STX8: variants seen among roughly 807,000 people sequenced by gnomAD.
STX8 encodes the protein syntaxin-8.
STX8 carries 23 observed loss-of-function variants against 37.5 expected under a neutral mutation model. The observed-to-expected ratio is 0.61, with a 90% CI of 0.44 to 0.87. The LOEUF is 0.87. STX8 is among the 40% of genes least tolerant of loss of function. The probability of loss-of-function intolerance (pLI) is 0.00; values close to 1 mark genes in which losing one functional copy is unlikely to be tolerated. For synonymous variants in STX8, 115 were observed against 99.1 expected, an observed-to-expected ratio of 1.16 and a Z score of -0.95; for missense variants, 313 against 284.7, an observed-to-expected ratio of 1.10 and a Z score of -0.71.
chr17:9,522,162 T>C (rs1421058361), intron 4 of STX8, among the ~76,000 whole-genome samples: 1 of 151,938 alleles, frequency 6.6e-6, no homozygotes, highest in African/African-American at 2.4e-5. Flanking sequence ...TTGCAAATCA[T>C]GGTACCTTAA....
intron 7 of STX8, among the ~76,000 whole-genome samples, chr17:9,255,243 T>C (rs1173625172): frequency 1.3e-5 from 2 of 151,864 alleles, no homozygotes; most frequent in Non-Finnish European, 2.9e-5. Context: ...AAAATGAAAA[T>C]GGGCCAGGCG....
chr17:9,342,898 G>A (rs994222123), intron 7 of STX8, among the ~76,000 whole-genome samples: 4 of 151,956 alleles, frequency 2.6e-5, no homozygotes, highest in African/African-American at 9.7e-5. Flanking sequence ...GTACGTGCCT[G>A]TAGTCCCAGC....
At chr17:9,260,850 AG>A (rs759248640) in intron 7 of STX8, among the ~76,000 whole-genome samples, 13 of 152,218 alleles carry the variant, frequency 8.5e-5, no homozygotes, top group Non-Finnish European at 1.8e-4. Flanking sequence ...GCTGGTGCCC[AG>A]CACCGGGCTG....
chr17:9,368,377 G>A (rs1266607171), intron 7 of STX8, among the ~76,000 whole-genome samples: 3 of 152,108 alleles, frequency 2.0e-5, no homozygotes, highest in Non-Finnish European at 2.9e-5. Context: ...GGTGGGGGGT[G>A]CCTGCAGTCC....
At chr17:9,324,835 T>C (rs996383129) in intron 7 of STX8, among the ~76,000 whole-genome samples, 1 of 151,818 alleles carries the variant, frequency 6.6e-6, no homozygotes, top group Admixed American at 6.6e-5. Context: ...TTGGCCTCAG[T>C]TGCTCTGACT....
rs146088475 is a variant in STX8 at position 9,393,100 on chromosome 17, C to T, written c.542-14447G>A. Among the ~76,000 whole-genome samples the T allele has an allele frequency of 4.0e-3, 607 of 152,208 alleles. 2 individuals carry two copies. Among genetic ancestry groups the T allele is most frequent in the Non-Finnish European group, 6.1e-3 (418 of 67,994 alleles). On this transcript the variant is annotated intron_variant, in intron 6 of 7. Transcript: ENST00000306357. ...AAAGACAAAGAAAAAAATAATTGAA[C>T]ACAACCAAAGAAAAACAACACATTG...
At chr17:9,490,192 T>G (rs755717374) in intron 6 of STX8, among the ~76,000 whole-genome samples, 1 of 152,196 alleles carries the variant, frequency 6.6e-6, no homozygotes, top group African/African-American at 2.4e-5. Context: ...TTATGATAGA[T>G]GATAAACAGA....
At chr17:9,336,187 C>T (rs145677381) in intron 7 of STX8, among the ~76,000 whole-genome samples, 42 of 152,282 alleles carry the variant, frequency 2.8e-4, no homozygotes, top group African/African-American at 9.1e-4. Flanking sequence ...GAGGATTCAA[C>T]ACCTTGTAGA....
At chr17:9,431,265 A>G (rs1397566606) in intron 6 of STX8, among the ~76,000 whole-genome samples, 1 of 84,932 alleles carries the variant, frequency 1.2e-5, no homozygotes, top group Non-Finnish European at 2.5e-5. Flanking sequence ...GAGATGGGGT[A>G]TCACCATGTT....
chr17:9,489,100 C>T (rs1567583302), intron 6 of STX8, among the ~76,000 whole-genome samples: 1 of 152,140 alleles, frequency 6.6e-6, no homozygotes, highest in Non-Finnish European at 1.5e-5. Context: ...TGGTCTCGAA[C>T]TCCTGACCTC....
At chr17:9,542,004 ATTTT>A (rs35489488) in intron 4 of STX8, among the ~76,000 whole-genome samples, 1 of 144,146 alleles carries the variant, frequency 6.9e-6, no homozygotes, top group Non-Finnish European at 1.5e-5. Context: ...AAACATTTGT[ATTTT>A]TTTTTTTTTT....
At position 9,525,314 on chromosome 17, in the gene STX8, C is replaced by T. The variant is rs115680340; in HGVS notation, c.323+19858G>A. Among the ~76,000 whole-genome samples, 195 of 152,148 alleles carry T rather than the reference C, an allele frequency of 1.3e-3. 1 individual carries two copies. The highest frequency in any genetic ancestry group is 4.5e-3 in the African/African-American group (187 of 41,540). On this transcript the variant is annotated intron_variant, in intron 4 of 7. Transcript: ENST00000306357. ...TAAATACATGGTCTTCTCAGCCTCC[C>T]CCCACTGCCCACATTGATTTCTCCA...
intron 7 of STX8, among the ~76,000 whole-genome samples, chr17:9,272,638 T>TGGAG (rs1907509883): frequency 6.6e-6 from 1 of 152,172 alleles, no homozygotes; most frequent in South Asian, 2.1e-4. Context: ...AGACAACCTC[T>TGGAG]CCATTGCTGG....
At chr17:9,472,328 GAGTACTGCT>G (rs1225424135) in intron 6 of STX8, among the ~76,000 whole-genome samples, 2 of 152,208 alleles carry the variant, frequency 1.3e-5, no homozygotes, top group African/African-American at 4.8e-5. Context: ...GTAAATGCGA[GAGTACTGCT>G]AGTATTCACT....
intron 4 of STX8, among the ~76,000 whole-genome samples, chr17:9,541,728 T>C (rs16958455): frequency 0.41 from 61,571 of 152,012 alleles, 13,528 homozygotes; most frequent in African/African-American, 0.58. Flanking sequence ...TTTAGAATCT[T>C]GAACCCTCTG....
chr17:9,492,319 T>G (rs2125347), intron 5 of STX8, among the ~76,000 whole-genome samples: 1 of 151,978 alleles, frequency 6.6e-6, no homozygotes, highest in Admixed American at 6.5e-5. Flanking sequence ...CTAATTTTTT[T>G]AAAAATACAA....
At chr17:9,458,108 C>T (rs543761936) in intron 6 of STX8, among the ~76,000 whole-genome samples, 146 of 152,322 alleles carry the variant, frequency 9.6e-4, no homozygotes, top group Non-Finnish European at 7.9e-4. Context: ...TTATGGTTAC[C>T]TCTGCATATA....
chr17:9,463,525 G>A (rs565950925), intron 6 of STX8, among the ~76,000 whole-genome samples: 2 of 152,248 alleles, frequency 1.3e-5, no homozygotes, highest in Admixed American at 6.5e-5. Context: ...TGCACTTTGG[G>A]AGGCTGAGGC....
At chr17:9,561,289 A>G (rs1363595838) in intron 2 of STX8, among the ~76,000 whole-genome samples, 1 of 152,232 alleles carries the variant, frequency 6.6e-6, no homozygotes, top group Non-Finnish European at 1.5e-5. Context: ...AATCAAGTTA[A>G]TAGAGAAAGC....
Sources: gnomAD v4.1 joint callset for allele counts (sites outside exome capture counted in the v4.1 genomes callset) on GRCh38, gnomAD v4.1.1 for gene constraint, MANE v1.5 for transcripts, NCBI Gene and HGNC (gene_info 2026-07-23, HGNC 2026-07-21) for gene names.